The following DENND1A variants were observed in gnomAD, a reference collection of about 807,000 sequenced individuals.
DENND1A encodes DENN domain containing 1A.
In DENND1A, 51 loss-of-function variants were observed where a neutral mutation model predicts 113.7. The observed-to-expected ratio is 0.45, with a 90% CI of 0.36 to 0.57. The LOEUF (loss-of-function observed/expected upper bound fraction) is 0.57. DENND1A is among the 20% of genes least tolerant of loss of function. The probability of loss-of-function intolerance (pLI) is 0.00; values close to 1 mark genes in which losing one functional copy is unlikely to be tolerated. For missense variants in DENND1A, 1,258 were observed against 1,395.9 expected (o/e 0.90, Z 1.57); for synonymous variants, 565 against 570.8 (o/e 0.99, Z 0.14).
chr9:123,417,328 G>T (rs528497332), intron 19 of DENND1A, among the ~76,000 whole-genome samples: 136 of 152,312 alleles, frequency 8.9e-4, no homozygotes, highest in Non-Finnish European at 1.7e-3. Flanking sequence ...GAAGGACACT[G>T]GATTTTAATA....
At chr9:123,596,037 T>C (rs1163766759) in intron 11 of DENND1A, among the ~76,000 whole-genome samples, 1 of 152,104 alleles carries the variant, frequency 6.6e-6, no homozygotes, top group East Asian at 1.9e-4. Flanking sequence ...AAGAAAGGTG[T>C]CAACACCTTT....
At chr9:123,768,147 T>C (rs1201239593) in intron 4 of DENND1A, among the ~76,000 whole-genome samples, 1 of 152,220 alleles carries the variant, frequency 6.6e-6, no homozygotes, top group African/African-American at 2.4e-5. Flanking sequence ...CTATTCTTTT[T>C]TGAGCATCAA....
intron 5 of DENND1A, among the ~76,000 whole-genome samples, chr9:123,703,738 A>C (rs769142288): frequency 2.0e-5 from 3 of 152,126 alleles, no homozygotes; most frequent in Non-Finnish European, 2.9e-5. Context: ...TTTCCATTTA[A>C]ATAAAATTCT....
At chr9:123,644,533 T>C (rs970993810) in intron 9 of DENND1A, among the ~76,000 whole-genome samples, 3 of 151,098 alleles carry the variant, frequency 2.0e-5, no homozygotes, top group Non-Finnish European at 4.5e-5. Context: ...TCAAATTCCT[T>C]TAGTGGGGTG....
At chr9:123,665,588 C>T (rs2063454474) in intron 8 of DENND1A, among the ~76,000 whole-genome samples, 1 of 152,136 alleles carries the variant, frequency 6.6e-6, no homozygotes, top group African/African-American at 2.4e-5. Flanking sequence ...ACATTTGTAA[C>T]CTGTTCTATA....
chr9:123,846,469 T>C (rs1415501365), intron 2 of DENND1A, among the ~76,000 whole-genome samples: 1 of 152,236 alleles, frequency 6.6e-6, no homozygotes, highest in Non-Finnish European at 1.5e-5. Flanking sequence ...AACAGATGAA[T>C]GGATAAACAA....
chr9:123,514,302 C>T (rs557789471), intron 13 of DENND1A, among the ~76,000 whole-genome samples: 1 of 151,972 alleles, frequency 6.6e-6, no homozygotes, highest in South Asian at 2.1e-4. Flanking sequence ...CAGCCTGGCT[C>T]AGGGTGTCAG....
intron 13 of DENND1A, among the ~76,000 whole-genome samples, chr9:123,511,429 C>T (rs531859523): frequency 6.6e-5 from 10 of 152,334 alleles, no homozygotes; most frequent in African/African-American, 1.9e-4. Context: ...GCCTGTTGCA[C>T]GGGACTAGAC....
At chr9:123,726,044 T>C (rs1303864834) in intron 5 of DENND1A, among the ~76,000 whole-genome samples, 5 of 152,230 alleles carry the variant, frequency 3.3e-5, no homozygotes, top group Non-Finnish European at 7.3e-5. Context: ...AGACCTTAAA[T>C]ATCAAAGTTT....
chr9:123,515,499 T>C (rs2053823978), intron 13 of DENND1A, among the ~76,000 whole-genome samples: 1 of 152,200 alleles, frequency 6.6e-6, no homozygotes, highest in Admixed American at 6.5e-5. Context: ...AAAGGCACAG[T>C]GTGCATATAT....
intron 13 of DENND1A, among the ~76,000 whole-genome samples, chr9:123,468,914 T>C (rs2049172102): frequency 6.6e-6 from 1 of 152,222 alleles, no homozygotes; most frequent in East Asian, 1.9e-4. Context: ...TCTTCTGAAA[T>C]GATTTCCACT....
At chr9:123,576,362 A>G (rs773792831) in intron 12 of DENND1A, among the ~76,000 whole-genome samples, 2 of 152,228 alleles carry the variant, frequency 1.3e-5, no homozygotes, top group Non-Finnish European at 2.9e-5. Context: ...CCATATATTT[A>G]CTATCTGTGG....
intron 1 of DENND1A, among the ~76,000 whole-genome samples, chr9:123,926,867 G>A (rs558545795): frequency 1.7e-4 from 26 of 151,780 alleles, no homozygotes; most frequent in African/African-American, 4.6e-4. Context: ...AGCATGGTAC[G>A]GGACACAGAC....
intron 7 of DENND1A, among the ~76,000 whole-genome samples, chr9:123,669,639 G>A (rs567574521): frequency 5.3e-4 from 81 of 152,306 alleles, no homozygotes; most frequent in African/African-American, 1.5e-3. Context: ...GCTACCTGTC[G>A]GATGTCATTA....
rs1044815770 is a variant in DENND1A, at chr9:123,447,555, C to G, written c.1356+3138G>C. 1.1e-4 allele frequency among the ~76,000 whole-genome samples: 16 copies of G among 152,182 alleles called. No individual in the cohort carries two copies. The East Asian group carries it at 2.5e-3, about 24-fold the overall frequency. ...TTCTATTTGCAATTCAAACCCAAGG[C>G]GAGGGTGAAGAGGGCAAGCTTGGGT... On this transcript the variant is annotated intron_variant, in intron 18 of 23. Transcript: ENST00000394215.
At chr9:123,837,994 G>A (rs535512157) in intron 2 of DENND1A, among the ~76,000 whole-genome samples, 2 of 152,170 alleles carry the variant, frequency 1.3e-5, no homozygotes, top group Non-Finnish European at 2.9e-5. Flanking sequence ...ACATCCTATC[G>A]TCACACAGCT....
intron 10 of DENND1A, among the ~76,000 whole-genome samples, chr9:123,628,058 G>A (rs1009395284): frequency 6.6e-6 from 1 of 152,106 alleles, no homozygotes; most frequent in African/African-American, 2.4e-5. Flanking sequence ...AGGCAGTAAT[G>A]GAGCAGAGAC....
chr9:123,396,777 A>C lies in DENND1A; in HGVS notation c.1631+6625T>G, dbSNP rs141718550. The stretch of plus-strand genomic sequence containing the variant: ...TGGCCTACAGAAGTTTTCCTTGTCC[A>C]GAAGGATTCGGACACATGTTTGAAT... On this transcript the variant is annotated intron_variant, in intron 21 of 23. Transcript: ENST00000394215. Among the ~76,000 whole-genome samples the C allele has an allele frequency of 1.3e-3, 199 of 152,330 alleles. 1 individual carries two copies. The highest frequency in any genetic ancestry group is 2.7e-3 in the Admixed American group (41 of 15,306).
At chr9:123,893,131 A>G (rs1850189397) in intron 1 of DENND1A, among the ~76,000 whole-genome samples, 1 of 152,234 alleles carries the variant, frequency 6.6e-6, no homozygotes, top group South Asian at 2.1e-4. Context: ...AGTGATTCAA[A>G]GAGCATTGTA....
Sources: allele counts gnomAD v4.1 joint callset (sites outside exome capture counted in the v4.1 genomes callset), GRCh38; gene constraint gnomAD v4.1.1; transcripts MANE v1.5; gene names NCBI Gene and HGNC (gene_info 2026-07-23, HGNC 2026-07-21).